The following OPCML variants were observed in gnomAD, a reference collection of about 807,000 sequenced individuals.
OPCML encodes the protein opioid binding protein/cell adhesion molecule like.
Under a neutral mutation model 37.8 loss-of-function variants are expected in OPCML, and 13 were observed. The ratio of observed to expected loss-of-function variants is 0.34; its 90% CI spans 0.22 to 0.55. The LOEUF (loss-of-function observed/expected upper bound fraction) is 0.55. Among genes scored for constraint, OPCML ranks in the 20% least tolerant of loss-of-function variants. The pLI, the probability that OPCML is intolerant of heterozygous loss-of-function variation, is 0.91. For synonymous variants in OPCML, 176 were observed against 168.8 expected (o/e 1.04, Z -0.33); for missense variants, 341 against 435.6 (o/e 0.78, Z 1.93).
intron 2 of OPCML, among the ~76,000 whole-genome samples, chr11:132,725,094 AGTAGGGACTCT>A (rs1240420074): frequency 1.3e-5 from 2 of 152,212 alleles, no homozygotes; most frequent in African/African-American, 4.8e-5. Flanking sequence ...GCAGTGCCCC[AGTAGGGACTCT>A]GTGTGTGGGC....
At chr11:133,421,682 A>C (rs2136895301) in intron 1 of OPCML, 1 of 985,372 alleles carries the variant, frequency 1.0e-6, no homozygotes, top group Non-Finnish European at 1.2e-6. Flanking sequence ...TATTTATTGA[A>C]ACTTGCCTTC....
At chr11:133,474,843 T>C (rs1947202114) in intron 1 of OPCML, among the ~76,000 whole-genome samples, 1 of 152,218 alleles carries the variant, frequency 6.6e-6, no homozygotes, top group Non-Finnish European at 1.5e-5. Flanking sequence ...GCTGGGGCAC[T>C]GGCCTTTGAG....
intron 1 of OPCML, among the ~76,000 whole-genome samples, chr11:133,394,924 C>CTTTTAGT (rs372465057): frequency 5.9e-5 from 9 of 152,188 alleles, no homozygotes; most frequent in African/African-American, 2.2e-4. Context: ...GGTAGCTCTA[C>CTTTTAGT]TTTTAGTTTT....
At chr11:132,628,506 G>T (rs776656092) in intron 3 of OPCML, among the ~76,000 whole-genome samples, 1 of 152,198 alleles carries the variant, frequency 6.6e-6, no homozygotes, top group South Asian at 2.1e-4. Context: ...TCAGAAATAG[G>T]AAAGGACTCA....
At chr11:133,214,199 C>T (rs1185051932) in intron 1 of OPCML, among the ~76,000 whole-genome samples, 1 of 151,916 alleles carries the variant, frequency 6.6e-6, no homozygotes, top group Non-Finnish European at 1.5e-5. Flanking sequence ...ATCAAATGAA[C>T]TGTTATTTCA....
chr11:133,528,067 G>A (rs1404358832), intron 1 of OPCML, among the ~76,000 whole-genome samples: 1 of 152,184 alleles, frequency 6.6e-6, no homozygotes, highest in Non-Finnish European at 1.5e-5. Context: ...TGTGGCCAAG[G>A]GTGCTAAGAA....
At chr11:133,190,867 T>G (rs1311771990) in intron 1 of OPCML, among the ~76,000 whole-genome samples, 2 of 152,256 alleles carry the variant, frequency 1.3e-5, no homozygotes, top group Non-Finnish European at 2.9e-5. Context: ...GACTATATTC[T>G]ACTTATCCAT....
intron 1 of OPCML, among the ~76,000 whole-genome samples, chr11:133,285,651 G>A (rs1173872486): frequency 6.6e-6 from 1 of 152,172 alleles, no homozygotes; most frequent in Non-Finnish European, 1.5e-5. Context: ...TGACAATGCT[G>A]CTCATTAACA....
intron 1 of OPCML, among the ~76,000 whole-genome samples, chr11:133,408,958 A>G (rs1301487332): frequency 6.6e-6 from 1 of 152,214 alleles, no homozygotes; most frequent in Admixed American, 6.5e-5. Flanking sequence ...GCCATTGTCC[A>G]TCCTCTGCTG....
chr11:132,868,738 A>G (rs1942673787), intron 2 of OPCML, among the ~76,000 whole-genome samples: 1 of 152,158 alleles, frequency 6.6e-6, no homozygotes, highest in Non-Finnish European at 1.5e-5. Flanking sequence ...CCCTTGACAC[A>G]TCCAGGCCAG....
intron 1 of OPCML, among the ~76,000 whole-genome samples, chr11:133,002,205 A>C (rs1378677596): frequency 6.6e-6 from 1 of 152,204 alleles, no homozygotes; most frequent in Non-Finnish European, 1.5e-5. Context: ...ATTCCACTGA[A>C]TCTTCACTCA....
At chr11:133,430,297 C>A (rs1015570655) in intron 1 of OPCML, among the ~76,000 whole-genome samples, 1 of 152,074 alleles carries the variant, frequency 6.6e-6, no homozygotes, top group Admixed American at 6.6e-5. Context: ...CCAGCTAAGA[C>A]TACTAAGAGC....
At chr11:132,433,445 T>G (rs2096003894) in intron 7 of OPCML, among the ~76,000 whole-genome samples, 1 of 152,226 alleles carries the variant, frequency 6.6e-6, no homozygotes, top group Non-Finnish European at 1.5e-5. Context: ...CAACCTGATT[T>G]AATCCTGTCA....
intron 3 of OPCML, among the ~76,000 whole-genome samples, chr11:132,552,761 C>CCCTTTTTTTTTTTT (rs1337627753): frequency 1.5e-5 from 1 of 67,476 alleles, no homozygotes; most frequent in African/African-American, 1.1e-4. Flanking sequence ...TTAAACACTA[C>CCCTTTTTTTTTTTT]TCTTTTTTTT....
intron 1 of OPCML, among the ~76,000 whole-genome samples, chr11:133,222,527 CGAA>C (rs1939880695): frequency 6.6e-6 from 1 of 152,086 alleles, no homozygotes; most frequent in African/African-American, 2.4e-5. Context: ...ACACACACCT[CGAA>C]GAAGACAGTC....
chr11:132,697,976 CTATTTATTTATTTATTTATTTATTTATT>C (rs59713386), intron 2 of OPCML, among the ~76,000 whole-genome samples: 22 of 134,200 alleles, frequency 1.6e-4, no homozygotes, highest in Admixed American at 2.3e-4. Context: ...ATTTTATTTT[CTATTTATTTATTTATTTATTTATTTATT>C]TATTTATTTA....
intron 3 of OPCML, among the ~76,000 whole-genome samples, chr11:132,537,135 AT>A (rs1300243714): frequency 6.6e-6 from 1 of 152,190 alleles, no homozygotes; most frequent in Admixed American, 6.5e-5. Context: ...GTTCATGTTT[AT>A]TTCTTGAAGC....
intron 1 of OPCML, among the ~76,000 whole-genome samples, chr11:133,357,173 CG>C (rs1944308247): frequency 6.6e-6 from 1 of 152,176 alleles, no homozygotes; most frequent in Non-Finnish European, 1.5e-5. Context: ...CAGGCATGGT[CG>C]TTGTTAGGAA....
intron 1 of OPCML, among the ~76,000 whole-genome samples, chr11:133,277,517 A>G (rs528892532): frequency 2.1e-4 from 32 of 152,194 alleles, no homozygotes; most frequent in African/African-American, 7.7e-4. Context: ...CTGCAACACC[A>G]CTGTTGCTGT....
Sources: allele counts gnomAD v4.1 joint callset (sites outside exome capture counted in the v4.1 genomes callset), GRCh38; gene constraint gnomAD v4.1.1; transcripts MANE v1.5; gene names NCBI Gene and HGNC (gene_info 2026-07-23, HGNC 2026-07-21).